TBC1D15: variants seen among roughly 807,000 people sequenced by gnomAD.
The protein encoded by TBC1D15 is GAP for RAB7.
In TBC1D15, 39 loss-of-function variants were observed where a neutral mutation model predicts 95.4. The observed-to-expected ratio is 0.41, with a 90% CI of 0.32 to 0.53. TBC1D15 has a LOEUF of 0.53. Among genes scored for constraint, TBC1D15 ranks in the 20% least tolerant of loss-of-function variants. The pLI is 0.29. For synonymous variants in TBC1D15, 258 were observed against 261.3 expected (o/e 0.99, Z 0.12); for missense variants, 733 against 794.3 (o/e 0.92, Z 0.93).
Position 71,884,923 on chromosome 12 carries a change from C to G in TBC1D15, c.456C>G (p.Phe152Leu). ...KEGMGWSYLV[F>L]CLKDDVVLPA... ...GTATGGGCTGGTCCTATTTGGTATT[C>G]TGTCTAAAGGATGACGTCGTTCTCC... Residue 152 changes from phenylalanine to leucine, a missense_variant, in exon 5 of 17, where the codon TTC becomes TTG. Coordinates refer to ENST00000485960, the MANE Select transcript of TBC1D15 (RefSeq NM_001146213.3). 1 of 1,614,060 alleles carries G rather than the reference C, an allele frequency of 6.2e-7. No individual in the cohort carries two copies. The highest frequency in any genetic ancestry group is 8.5e-7 in the Non-Finnish European group (1 of 1,179,948).
intron 5 of TBC1D15, among the ~76,000 whole-genome samples, chr12:71,885,543 T>A (rs1896063753): frequency 6.6e-6 from 1 of 152,226 alleles, no homozygotes. Context: ...TTTTTGGGTA[T>A]CTGTTACATC....
intron 1 of TBC1D15, chr12:71,861,280 A>T: frequency 4.5e-6 from 2 of 447,914 alleles, no homozygotes; most frequent in Non-Finnish European, 3.8e-6. Flanking sequence ...GGAAGAATTG[A>T]CATTTGTTCT....
chr12:71,843,006 G>T (rs1367776790), intron 1 of TBC1D15, among the ~76,000 whole-genome samples: 7 of 151,634 alleles, frequency 4.6e-5, no homozygotes, highest in African/African-American at 1.2e-4. Flanking sequence ...AAAATTACTG[G>T]CCGGGCACGG....
chr12:71,884,903 G>T lies in TBC1D15; in HGVS notation c.436G>T (p.Gly146Cys), dbSNP rs1484038883. 1.2e-6 allele frequency: 2 copies of T among 1,613,998 alleles called. No homozygotes were observed. Among genetic ancestry groups the T allele is most frequent in the Non-Finnish European group, 1.7e-6 (2 of 1,179,942 alleles). ...AATCAAGCAAAACAAAGAGGGTATG[G>T]GCTGGTCCTATTTGGTATTCTGTCT... ...KSIKQNKEGM[G>C]WSYLVFCLKD... The change falls in exon 5 of 17, where the codon GGC (glycine) becomes TGC (cysteine). Residue 146 changes from glycine (G) to cysteine (C), a missense_variant. By Grantham distance (159) the Gly-to-Cys change is radical. Transcript: ENST00000485960.
intron 3 of TBC1D15, among the ~76,000 whole-genome samples, chr12:71,875,529 A>AT (rs35115414): frequency 0.015 from 2,208 of 148,890 alleles, 51 homozygotes; most frequent in African/African-American, 0.047. Context: ...TAGATTGGTG[A>AT]TTTTTTTTTT....
At chr12:71,882,478 A>G (rs1895403032) in intron 4 of TBC1D15, among the ~76,000 whole-genome samples, 1 of 152,170 alleles carries the variant, frequency 6.6e-6, no homozygotes, top group South Asian at 2.1e-4. Context: ...TATATTTAGT[A>G]TTCTCATGTT....
At chr12:71,883,921 CTTG>C (rs1340624933) in intron 4 of TBC1D15, among the ~76,000 whole-genome samples, 12 of 152,034 alleles carry the variant, frequency 7.9e-5, no homozygotes, top group Admixed American at 7.9e-4. Flanking sequence ...GTTTAAGTTG[CTTG>C]TTATCAATTA....
At position 71,893,165 on chromosome 12, in the gene TBC1D15, A is replaced by G. The variant is rs1897505369; in HGVS notation, c.555-57A>G. 3.2e-6 allele frequency: 3 copies of G among 924,392 alleles called. No individual in the cohort carries two copies. In the East Asian group the frequency reaches 8.8e-5, roughly 27 times the overall value. 57.3% of individuals were successfully genotyped at this position (924,392 alleles called of 1,614,324 possible). On this transcript the variant is annotated intron_variant, in intron 5 of 16. Coordinates refer to ENST00000485960, the MANE Select transcript of TBC1D15 (RefSeq NM_001146213.3). Reference sequence around the variant, plus strand: ...GGAACATTTGTGTTAGTAATTGTTCATGTAGTAATTGATACAGTGTGTTAG... The same window carrying G: ...GGAACATTTGTGTTAGTAATTGTTCGTGTAGTAATTGATACAGTGTGTTAG...
At chr12:71,898,131 G>T (rs544217054) in intron 10 of TBC1D15, among the ~76,000 whole-genome samples, 190 bp downstream of exon 10, 8 of 152,146 alleles carry the variant, frequency 5.3e-5, no homozygotes, top group African/African-American at 1.9e-4. Flanking sequence ...AATTCAGTAA[G>T]TTTATTTATA....
chr12:71,911,135 G>A lies in TBC1D15; in HGVS notation c.1301-2691G>A, dbSNP rs559548046. ...AAGTCAGGAAACAACAGATGCTGGA[G>A]AGGATGTGGAGAAATAGGAACACTT... On this transcript the variant is annotated intron_variant, in intron 11 of 16. Transcript: ENST00000485960. Among the ~76,000 whole-genome samples the A allele has an allele frequency of 2.0e-5, 3 of 152,282 alleles. No homozygotes were observed. In the South Asian group the frequency reaches 6.2e-4, roughly 32 times the overall value.
At chr12:71,913,670 A>C (rs928843345) in intron 11 of TBC1D15, 156 bp from the exon 12 acceptor site, 2 of 555,174 alleles carry the variant, frequency 3.6e-6, no homozygotes, top group Non-Finnish European at 6.2e-6. Context: ...CCTCCTCTTC[A>C]TTTATATTCT....
At chr12:71,894,510 G>GA in intron 6 of TBC1D15, 176 bp from the exon 7 acceptor site, 1 of 1,206,002 alleles carries the variant, frequency 8.3e-7, no homozygotes, top group Non-Finnish European at 1.2e-6. Flanking sequence ...GATTGGCTTA[G>GA]AAAATTTAAA....
At chr12:71,871,793 A>G (rs576129203) in intron 1 of TBC1D15, among the ~76,000 whole-genome samples, 13 of 152,354 alleles carry the variant, frequency 8.5e-5, no homozygotes, top group Non-Finnish European at 1.8e-4. Context: ...ACTTGTTGCA[A>G]TTAGTCTGAC....
rs1211304078 is a variant in TBC1D15, at chr12:71,923,964, A to C, written c.*760A>C. 2 of 152,576 alleles carry C rather than the reference A, an allele frequency of 1.3e-5. No homozygotes were observed. Among genetic ancestry groups the C allele is most frequent in the Non-Finnish European group, 2.9e-5 (2 of 68,014 alleles). 9.5% of individuals were successfully genotyped at this position (152,576 alleles called of 1,614,324 possible). A position where few individuals can be genotyped will look rare whatever the true frequency, so the allele number is the denominator to read the frequency against. On this transcript the variant is annotated 3_prime_UTR_variant, in exon 17 of 17. Coordinates refer to ENST00000485960, the MANE Select transcript of TBC1D15 (RefSeq NM_001146213.3). ...AGATCTTTTTCAAAACTATTTTCTT[A>C]AACATTTATTTCATGAGATTATGTT...
chr12:71,905,638 T>G (rs531945075), intron 10 of TBC1D15, among the ~76,000 whole-genome samples: 4 of 152,290 alleles, frequency 2.6e-5, no homozygotes, highest in African/African-American at 9.6e-5. Context: ...TTTTGACATT[T>G]CTAATTGCAA....
Position 71,852,534 on chromosome 12 carries a change from C to T in TBC1D15, c.30+12723C>T, listed in dbSNP as rs576613520. Among the ~76,000 whole-genome samples the T allele has an allele frequency of 4.6e-5, 7 of 152,294 alleles. No individual in the cohort carries two copies. The South Asian group carries it at 1.4e-3, about 32-fold the overall frequency. On this transcript the variant is annotated intron_variant, in intron 1 of 16. Transcript: ENST00000485960. Reference sequence around the variant, plus strand: ...TTTCTAAACTTTTATGTCCTGCTTACCTTTTAAATATAAGTTCCAGTTTCA... The same window carrying T: ...TTTCTAAACTTTTATGTCCTGCTTATCTTTTAAATATAAGTTCCAGTTTCA...
intron 11 of TBC1D15, among the ~76,000 whole-genome samples, chr12:71,910,489 C>T (rs547640544): frequency 1.3e-5 from 2 of 151,954 alleles, no homozygotes; most frequent in African/African-American, 4.8e-5. Context: ...TCTTCCTACC[C>T]ATGAGCATGG....
Position 71,914,524 on chromosome 12 carries a change from T to G in TBC1D15, c.1401+598T>G, listed in dbSNP as rs571537127. Among the ~76,000 whole-genome samples the G allele has an allele frequency of 1.8e-4, 28 of 152,118 alleles. No individual in the cohort carries two copies. The South Asian group carries it at 5.8e-3, about 32-fold the overall frequency. On this transcript the variant is annotated intron_variant, in intron 12 of 16. Coordinates refer to ENST00000485960, the MANE Select transcript of TBC1D15 (RefSeq NM_001146213.3). ...TTGAGACAGAGTTCTAGGATAATAG[T>G]GCAGAGAATATTGACAGGAAAATAA...
chr12:71,888,856 T>C (rs1202505022), intron 5 of TBC1D15, among the ~76,000 whole-genome samples: 28 of 120,736 alleles, frequency 2.3e-4, no homozygotes, highest in South Asian at 2.8e-4. Context: ...TTTTTTTTTT[T>C]TTTTTCATTT....
Sources: allele counts gnomAD v4.1 joint callset (sites outside exome capture counted in the v4.1 genomes callset), GRCh38; gene constraint gnomAD v4.1.1; transcripts MANE v1.5; gene names NCBI Gene and HGNC (gene_info 2026-07-23, HGNC 2026-07-21).